The following KIAA0825 variants were observed in gnomAD, a reference collection of about 807,000 sequenced individuals.
The protein encoded by KIAA0825 is uncharacterized protein KIAA0825.
In KIAA0825, 119 loss-of-function variants were observed where a neutral mutation model predicts 147.6. That is an observed-to-expected ratio of 0.81 (90% confidence interval 0.69 to 0.94). The LOEUF (loss-of-function observed/expected upper bound fraction) is 0.94. Among genes scored for constraint, KIAA0825 ranks in the 40% least tolerant of loss-of-function variants. The pLI is 0.00. For missense variants in KIAA0825, 1,381 were observed against 1,472.7 expected (o/e 0.94, Z 1.02); for synonymous variants, 470 against 518.1 (o/e 0.91, Z 1.26).
At chr5:94,235,765 A>G (rs879513566) in intron 20 of KIAA0825, among the ~76,000 whole-genome samples, 3 of 152,160 alleles carry the variant, frequency 2.0e-5, no homozygotes, top group East Asian at 1.9e-4. Flanking sequence ...GTTGAAGCCT[A>G]TATGTTCATT....
chr5:94,466,570 C>G (rs757718006), intron 10 of KIAA0825, among the ~76,000 whole-genome samples: 15 of 151,810 alleles, frequency 9.9e-5, no homozygotes, highest in Non-Finnish European at 1.6e-4. Flanking sequence ...AACCCCATCT[C>G]TACTAAAAAT....
At chr5:94,381,211 C>G (rs573315258) in intron 20 of KIAA0825, among the ~76,000 whole-genome samples, 2 of 152,182 alleles carry the variant, frequency 1.3e-5, no homozygotes, top group African/African-American at 4.8e-5. Context: ...TTCGATCTTA[C>G]AGCAACTTCC....
At chr5:94,483,341 G>A (rs1030357680) in intron 6 of KIAA0825, among the ~76,000 whole-genome samples, 2 of 151,984 alleles carry the variant, frequency 1.3e-5, no homozygotes, top group African/African-American at 4.8e-5. Context: ...GTTTCTTGAT[G>A]CATACCTCAG....
chr5:94,295,983 T>C (rs981489609), intron 20 of KIAA0825, among the ~76,000 whole-genome samples: 1 of 152,202 alleles, frequency 6.6e-6, no homozygotes, highest in African/African-American at 2.4e-5. Flanking sequence ...TCTTTAGGGC[T>C]GGCAGGCAAG....
intron 5 of KIAA0825, among the ~76,000 whole-genome samples, chr5:94,513,838 G>C (rs1268518927): frequency 6.9e-6 from 1 of 144,670 alleles, no homozygotes; most frequent in Non-Finnish European, 1.5e-5. Flanking sequence ...TTAGTAGAAA[G>C]AATTGAAAAA....
intron 3 of KIAA0825, among the ~76,000 whole-genome samples, chr5:94,535,056 G>C (rs1252602589): frequency 6.6e-6 from 1 of 151,764 alleles, no homozygotes. Context: ...TCTCAGTTTG[G>C]TTAAGTCTAT....
At chr5:94,542,915 AT>A (rs1258209671) in intron 2 of KIAA0825, among the ~76,000 whole-genome samples, 30 of 152,260 alleles carry the variant, frequency 2.0e-4, no homozygotes, top group African/African-American at 6.5e-4. Context: ...AATGGTGTCC[AT>A]TCCTTTAAGG....
At chr5:94,530,424 A>G (rs1770556815) in intron 3 of KIAA0825, among the ~76,000 whole-genome samples, 1 of 152,060 alleles carries the variant, frequency 6.6e-6, no homozygotes, top group Non-Finnish European at 1.5e-5. Flanking sequence ...AGCTAGGACT[A>G]CAGGCATGTG....
chr5:94,595,510 G>A (rs1309125994), intron 1 of KIAA0825, among the ~76,000 whole-genome samples: 4 of 152,096 alleles, frequency 2.6e-5, no homozygotes, highest in Admixed American at 2.6e-4. Flanking sequence ...TTCCTCCTAG[G>A]CTTCCCCACT....
chr5:94,274,177 T>A (rs1048640837), intron 20 of KIAA0825, among the ~76,000 whole-genome samples: 1 of 152,154 alleles, frequency 6.6e-6, no homozygotes, highest in Non-Finnish European at 1.5e-5. Flanking sequence ...ATAGTTAACA[T>A]TGGCATACAT....
intron 18 of KIAA0825, among the ~76,000 whole-genome samples, chr5:94,387,197 A>G (rs1749270853): frequency 6.6e-6 from 1 of 152,178 alleles, no homozygotes; most frequent in African/African-American, 2.4e-5. Context: ...GTGATGTTTC[A>G]TGTGTCACAA....
intron 20 of KIAA0825, among the ~76,000 whole-genome samples, chr5:94,328,845 T>A (rs1296247739): frequency 6.6e-6 from 1 of 152,048 alleles, no homozygotes; most frequent in African/African-American, 2.4e-5. Context: ...TGAAGAATAA[T>A]AACAAATATA....
At chr5:94,431,898 T>C (rs1333011756) in intron 14 of KIAA0825, among the ~76,000 whole-genome samples, 2 of 152,178 alleles carry the variant, frequency 1.3e-5, no homozygotes, top group Non-Finnish European at 2.9e-5. Context: ...GCTGGACAAG[T>C]TGGCCACATC....
intron 20 of KIAA0825, among the ~76,000 whole-genome samples, chr5:94,188,345 T>A (rs1770351262): frequency 6.6e-6 from 1 of 152,230 alleles, no homozygotes; most frequent in African/African-American, 2.4e-5. Context: ...CTCTATTTGA[T>A]GAAGACTTCA....
chr5:94,448,984 T>C (rs1758064253), intron 13 of KIAA0825, among the ~76,000 whole-genome samples: 1 of 152,088 alleles, frequency 6.6e-6, no homozygotes, highest in Non-Finnish European at 1.5e-5. Flanking sequence ...CTAAGCAGAT[T>C]ATATGGACTT....
At chr5:94,530,099 G>A (rs529559979) in intron 3 of KIAA0825, among the ~76,000 whole-genome samples, 12 of 151,828 alleles carry the variant, frequency 7.9e-5, no homozygotes, top group African/African-American at 2.2e-4. Flanking sequence ...GGTGAAACCC[G>A]TCTCTACTAA....
At position 94,182,250 on chromosome 5, in the gene KIAA0825, C is replaced by CTTTTTTTTTTTTTTTTTTTTTTTTTTTT. The variant is rs771486226; in HGVS notation, c.3711-28127_3711-28126insAAAAAAAAAAAAAAAAAAAAAAAAAAAA. On this transcript the variant is annotated intron_variant, in intron 20 of 20. Transcript: ENST00000682413. ...CAAGACATAACTTAAAATGTCCCTT[C>CTTTTTTTTTTTTTTTTTTTTTTTTTTTT]TTTTTTTTTTTTTTTTTTTTTTTTT... Among the ~76,000 whole-genome samples, 6 of 38,288 alleles carry CTTTTTTTTTTTTTTTTTTTTTTTTTTTT rather than the reference C, an allele frequency of 1.6e-4. 3 individuals are homozygous for CTTTTTTTTTTTTTTTTTTTTTTTTTTTT. Among genetic ancestry groups the CTTTTTTTTTTTTTTTTTTTTTTTTTTTT allele is most frequent in the East Asian group, 1.9e-3 (2 of 1,052 alleles). The allele number at this position is 38,288 out of a possible 152,430, so 25.1% of individuals were successfully genotyped here.
intron 20 of KIAA0825, among the ~76,000 whole-genome samples, chr5:94,350,085 G>A (rs924636382): frequency 1.3e-4 from 20 of 152,172 alleles, no homozygotes; most frequent in South Asian, 4.1e-4. Flanking sequence ...ACTAAGAAAC[G>A]AAACAGGAGA....
intron 14 of KIAA0825, among the ~76,000 whole-genome samples, chr5:94,417,612 A>G (rs2150714562): frequency 6.6e-6 from 1 of 152,328 alleles, no homozygotes; most frequent in South Asian, 2.1e-4. Flanking sequence ...CCTGTGAGAA[A>G]GACCACAATA....
Sources: allele counts gnomAD v4.1 joint callset (sites outside exome capture counted in the v4.1 genomes callset), GRCh38; gene constraint gnomAD v4.1.1; transcripts MANE v1.5; gene names NCBI Gene and HGNC (gene_info 2026-07-23, HGNC 2026-07-21).